The following FRMD6 variants were observed in gnomAD, a reference collection of about 807,000 sequenced individuals.
The protein encoded by FRMD6 is FERM domain containing 6.
Under a neutral mutation model 73.2 loss-of-function variants are expected in FRMD6, and 37 were observed. The ratio of observed to expected loss-of-function variants is 0.51; its 90% CI spans 0.39 to 0.66. FRMD6 has a LOEUF of 0.66. FRMD6 is among the 30% of genes least tolerant of loss of function. FRMD6 has a pLI of 0.00. For missense variants in FRMD6, 714 were observed against 780.5 expected, an observed-to-expected ratio of 0.91 and a Z score of 1.02; for synonymous variants, 273 against 282.2, an observed-to-expected ratio of 0.97 and a Z score of 0.33.
In FRMD6 at chr14:51,722,013, C is replaced by T; in HGVS notation, c.1425C>T (p.Val475=). The T allele has an allele frequency of 2.5e-6, 4 of 1,614,074 alleles. No homozygotes were observed. Among genetic ancestry groups the T allele is most frequent in the Non-Finnish European group, 3.4e-6 (4 of 1,179,984 alleles). The change falls in exon 12 of 14, where the codon GTC becomes GTT. Residue 475 remains valine (V), a synonymous_variant. Transcript: ENST00000344768. ...AGATGAATGAAGAGTCTCTGGAAGT[C>T]AGCCCAGACATGTGCATCTACATCA... The part of the protein sequence containing the change: ...LEQMNEESLE[V]SPDMCIYITE...
At chr14:51,403,977 A>C in the FRMD6 span, among the ~76,000 whole-genome samples, 3 of 152,210 alleles carry the variant, frequency 2.0e-5, no homozygotes, top group African/African-American at 4.8e-5. Context: ...ATTTATTAGA[A>C]AGTGCCAAAT....
At chr14:51,700,944 C>T in intron 3 of FRMD6, 112 bp from the exon 4 acceptor site, 1 of 493,944 alleles carries the variant, frequency 2.0e-6, no homozygotes, top group Non-Finnish European at 3.6e-6. Flanking sequence ...TATGTGCATT[C>T]AGACTACATT....
At chr14:51,607,320 A>G (rs377065292) in intron 2 of FRMD6, among the ~76,000 whole-genome samples, 11 of 152,084 alleles carry the variant, frequency 7.2e-5, no homozygotes, top group South Asian at 4.1e-4. Context: ...ACACTATGAA[A>G]CTATCAATAT....
At chr14:51,435,659 G>A in the FRMD6 span, among the ~76,000 whole-genome samples, 1 of 152,148 alleles carries the variant, frequency 6.6e-6, no homozygotes, top group East Asian at 1.9e-4. Flanking sequence ...GAGGGAAGGG[G>A]AGATAAGGAA....
intron 1 of FRMD6, among the ~76,000 whole-genome samples, chr14:51,504,709 T>A (rs1883847737): frequency 6.6e-6 from 1 of 152,284 alleles, no homozygotes; most frequent in African/African-American, 2.4e-5. Context: ...GCCCAGAGAA[T>A]CAAATGGGTA....
intron 10 of FRMD6, among the ~76,000 whole-genome samples, chr14:51,716,734 G>C (rs1001012503): frequency 2.0e-5 from 3 of 152,214 alleles, no homozygotes; most frequent in Non-Finnish European, 4.4e-5. Flanking sequence ...ATTGGCTTCA[G>C]CTGCTGCTAG....
At chr14:51,530,260 C>T (rs543225257) in intron 1 of FRMD6, among the ~76,000 whole-genome samples, 15 of 152,276 alleles carry the variant, frequency 9.9e-5, no homozygotes, top group African/African-American at 3.6e-4. Context: ...TAGCTCTCTT[C>T]CCAGCTCCAC....
At chr14:51,631,060 T>C (rs1891317693) in intron 2 of FRMD6, among the ~76,000 whole-genome samples, 2 of 152,140 alleles carry the variant, frequency 1.3e-5, no homozygotes, top group Non-Finnish European at 2.9e-5. Flanking sequence ...TTGCTCATTC[T>C]GAGTACTTGC....
the FRMD6 span, among the ~76,000 whole-genome samples, chr14:51,400,567 T>G: frequency 1.3e-5 from 2 of 152,216 alleles, no homozygotes. Flanking sequence ...AATCTGTTTT[T>G]TGGAGAAATA....
chr14:51,553,151 G>T (rs116322973), intron 1 of FRMD6, among the ~76,000 whole-genome samples: 1,867 of 152,310 alleles, frequency 0.012, 32 homozygotes, highest in African/African-American at 0.042. Flanking sequence ...CCTCCTCTTG[G>T]AGCTCTGTTG....
intron 2 of FRMD6, among the ~76,000 whole-genome samples, chr14:51,622,811 G>T (rs1007081508): frequency 6.6e-6 from 1 of 152,146 alleles, no homozygotes; most frequent in Admixed American, 6.6e-5. Flanking sequence ...TGTCACCCAG[G>T]CTAGAGTGCA....
At chr14:51,577,743 A>G (rs1888485182) in intron 2 of FRMD6, among the ~76,000 whole-genome samples, 1 of 152,170 alleles carries the variant, frequency 6.6e-6, no homozygotes, top group African/African-American at 2.4e-5. Flanking sequence ...CACTGTGTAT[A>G]TAGGCTTTGG....
At chr14:51,629,834 T>G (rs1891268386) in intron 2 of FRMD6, among the ~76,000 whole-genome samples, 1 of 152,214 alleles carries the variant, frequency 6.6e-6, no homozygotes, top group African/African-American at 2.4e-5. Context: ...TTTTCATCTA[T>G]AAAATAAGAA....
chr14:51,566,218 A>T (rs61969803), intron 1 of FRMD6, among the ~76,000 whole-genome samples: 2 of 152,140 alleles, frequency 1.3e-5, no homozygotes, highest in Non-Finnish European at 2.9e-5. Flanking sequence ...AGTCAAATGA[A>T]CAAAGGAATG....
chr14:51,583,740 T>A (rs1888864925), intron 2 of FRMD6, among the ~76,000 whole-genome samples: 1 of 152,200 alleles, frequency 6.6e-6, no homozygotes, highest in South Asian at 2.1e-4. Flanking sequence ...TGTATACACT[T>A]TCTGAAGAAT....
chr14:51,420,756 A>G, the FRMD6 span, among the ~76,000 whole-genome samples: 2 of 152,118 alleles, frequency 1.3e-5, no homozygotes, highest in South Asian at 4.1e-4. Context: ...GGTTATATGC[A>G]AATACGGTAC....
At chr14:51,589,793 G>A (rs1274483736) in intron 2 of FRMD6, among the ~76,000 whole-genome samples, 2 of 152,230 alleles carry the variant, frequency 1.3e-5, no homozygotes, top group Non-Finnish European at 2.9e-5. Flanking sequence ...ATGAGGCTGT[G>A]CATGGTGGCT....
the FRMD6 span, among the ~76,000 whole-genome samples, chr14:51,443,572 A>G: frequency 2.5e-3 from 376 of 152,328 alleles, 1 homozygote; most frequent in African/African-American, 8.6e-3. Context: ...TGCACTGGAT[A>G]TGCAGTCTTT....
At position 51,708,058 on chromosome 14, in the gene FRMD6, C is replaced by T. The variant is rs1237354849; in HGVS notation, c.559-20C>T. 6.2e-7 allele frequency: 1 copy of T among 1,611,424 alleles called. No homozygotes were observed. Among genetic ancestry groups the T allele is most frequent in the Non-Finnish European group, 8.5e-7 (1 of 1,178,310 alleles). ...TCTCTCCAACAAATGTTGCATTGCA[C>T]ACCCCTTGTATCCCAACAGGTTGTT... On this transcript the variant is annotated intron_variant, in intron 6 of 13. Transcript: ENST00000344768.
Sources: allele counts gnomAD v4.1 joint callset (sites outside exome capture counted in the v4.1 genomes callset), GRCh38; gene constraint gnomAD v4.1.1; transcripts MANE v1.5; gene names NCBI Gene and HGNC (gene_info 2026-07-23, HGNC 2026-07-21).